Variants in RABGAP1L observed in about 807,000 individuals in gnomAD.
The protein encoded by RABGAP1L is rab GTPase-activating protein 1-like.
A neutral mutation model predicts 137.7 loss-of-function variants in RABGAP1L; 63 were observed. The ratio of observed to expected loss-of-function variants is 0.46; its 90% CI spans 0.37 to 0.56. The LOEUF (loss-of-function observed/expected upper bound fraction) is 0.56. RABGAP1L is among the 20% of genes least tolerant of loss of function. RABGAP1L has a pLI of 0.00. For missense variants in RABGAP1L, 1,095 were observed against 1,244.0 expected (o/e 0.88, Z 1.80); for synonymous variants, 431 against 433.7 (o/e 0.99, Z 0.08).
At chr1:174,988,981 ATTT>A in intron 25 of RABGAP1L, 143 bp downstream of exon 25, 1 of 535,078 alleles carries the variant, frequency 1.9e-6, no homozygotes, top group Non-Finnish European at 2.9e-6. Flanking sequence ...GCATAATCAC[ATTT>A]TATATCATGT....
intron 13 of RABGAP1L, among the ~76,000 whole-genome samples, chr1:174,565,086 T>C (rs1282403821): frequency 6.6e-6 from 1 of 152,168 alleles, no homozygotes; most frequent in Non-Finnish European, 1.5e-5. Context: ...GCTTTGAAGA[T>C]AGAGGTCACA....
At chr1:174,541,373 T>A (rs1364893913) in intron 13 of RABGAP1L, among the ~76,000 whole-genome samples, 1 of 152,216 alleles carries the variant, frequency 6.6e-6, no homozygotes, top group Non-Finnish European at 1.5e-5. Context: ...TGTGCCAGTT[T>A]TCAAAGGGAG....
chr1:174,601,020 G>C (rs978888519), intron 13 of RABGAP1L, among the ~76,000 whole-genome samples: 1 of 152,220 alleles, frequency 6.6e-6, no homozygotes, highest in African/African-American at 2.4e-5. Context: ...TGAAATCTAG[G>C]TGGAGGTTCC....
At chr1:174,261,339 C>G (rs1299275534) in intron 7 of RABGAP1L, among the ~76,000 whole-genome samples, 1 of 152,118 alleles carries the variant, frequency 6.6e-6, no homozygotes, top group African/African-American at 2.4e-5. Flanking sequence ...TGACAGTGAT[C>G]ATATCAGATC....
At chr1:174,162,777 G>GTTTTTTTTTTT (rs67811794) in intron 1 of RABGAP1L, among the ~76,000 whole-genome samples, 62 of 51,540 alleles carry the variant, frequency 1.2e-3, no homozygotes, top group Non-Finnish European at 1.5e-3. Flanking sequence ...TTCTCTTTCT[G>GTTTTTTTTTTT]TTTTTTTTTT....
At chr1:174,864,525 G>T (rs985600000) in intron 19 of RABGAP1L, among the ~76,000 whole-genome samples, 1 of 152,176 alleles carries the variant, frequency 6.6e-6, no homozygotes, top group Admixed American at 6.5e-5. Context: ...GGAAGGAGAA[G>T]AATGCGAGCA....
Position 174,693,564 on chromosome 1 carries a change from G to C in RABGAP1L, c.1900-5961G>C, listed in dbSNP as rs147455893. Among the ~76,000 whole-genome samples the C allele has an allele frequency of 5.6e-3, 857 of 152,012 alleles. 2 individuals are homozygous for C. Among genetic ancestry groups the C allele is most frequent in the Middle Eastern group, 0.017 (5 of 294 alleles). On this transcript the variant is annotated intron_variant, in intron 15 of 25. Coordinates refer to ENST00000681986, the MANE Select transcript of RABGAP1L (RefSeq NM_001366446.1). Reference sequence around the variant, plus strand: ...TATGATGGTATGCTGCAGCTCTACTGTTATGCATCACTTTTCTTTTTTTTT... The same window carrying C: ...TATGATGGTATGCTGCAGCTCTACTCTTATGCATCACTTTTCTTTTTTTTT...
At chr1:174,675,586 C>G (rs1169396021) in intron 14 of RABGAP1L, among the ~76,000 whole-genome samples, 1 of 151,694 alleles carries the variant, frequency 6.6e-6, no homozygotes, top group Non-Finnish European at 1.5e-5. Context: ...TTTTTTGGTT[C>G]CATATGAACT....
intron 1 of RABGAP1L, among the ~76,000 whole-genome samples, chr1:174,171,380 A>G (rs760971702): frequency 6.6e-6 from 1 of 152,210 alleles, no homozygotes; most frequent in Non-Finnish European, 1.5e-5. Flanking sequence ...CAGATACAAA[A>G]TCATGAAATG....
intron 13 of RABGAP1L, among the ~76,000 whole-genome samples, chr1:174,438,733 AGT>A (rs1167772942): frequency 3.5e-5 from 3 of 86,924 alleles, no homozygotes; most frequent in African/African-American, 2.0e-4. Flanking sequence ...ACCCAAAAAA[AGT>A]GTGTGTGTGT....
chr1:174,383,077 G>T lies in RABGAP1L; in HGVS notation c.1560-10918G>T, dbSNP rs1318644076. 3.3e-5 allele frequency among the ~76,000 whole-genome samples: 5 copies of T among 150,248 alleles called. No homozygotes were observed. The South Asian group carries it at 1.1e-3, about 32-fold the overall frequency. On this transcript the variant is annotated intron_variant, in intron 12 of 25. Coordinates refer to ENST00000681986, the MANE Select transcript of RABGAP1L (RefSeq NM_001366446.1). ...TGAGGTGTCAGTGTGCCCCTGCTGG[G>T]GGGTGCCTCCCAGTTAGGCTGCTCG...
At chr1:174,164,972 G>A (rs898212321) in intron 1 of RABGAP1L, among the ~76,000 whole-genome samples, 10 of 152,158 alleles carry the variant, frequency 6.6e-5, no homozygotes, top group African/African-American at 2.4e-4. Flanking sequence ...ACCTCACTTA[G>A]TGTGTATAAG....
At position 174,289,340 on chromosome 1, in the gene RABGAP1L, C is replaced by T. The variant is rs112220738; in HGVS notation, c.1323+10561C>T. Among the ~76,000 whole-genome samples, 186 of 152,274 alleles carry T rather than the reference C, an allele frequency of 1.2e-3. 1 individual carries two copies. Among genetic ancestry groups the T allele is most frequent in the African/African-American group, 4.4e-3 (181 of 41,550 alleles). On this transcript the variant is annotated intron_variant, in intron 10 of 25. Coordinates refer to ENST00000681986, the MANE Select transcript of RABGAP1L (RefSeq NM_001366446.1). Reference sequence around the variant, plus strand: ...TATAGGCATAAGCCACTGTGCCTAGCTGGATTTTAAAAATGGTTTTTATTA... The same window carrying T: ...TATAGGCATAAGCCACTGTGCCTAGTTGGATTTTAAAAATGGTTTTTATTA...
intron 11 of RABGAP1L, among the ~76,000 whole-genome samples, chr1:174,347,931 T>C (rs1422294450): frequency 6.6e-6 from 1 of 152,194 alleles, no homozygotes; most frequent in Non-Finnish European, 1.5e-5. Flanking sequence ...AGGCAACAGA[T>C]CATTGGGTCT....
intron 5 of RABGAP1L, among the ~76,000 whole-genome samples, chr1:174,247,008 G>C (rs1202074679): frequency 6.6e-6 from 1 of 152,224 alleles, no homozygotes; most frequent in Non-Finnish European, 1.5e-5. Flanking sequence ...TTCTCCAAAA[G>C]AGAGATAGAT....
intron 14 of RABGAP1L, among the ~76,000 whole-genome samples, chr1:174,658,027 G>T (rs1676092893): frequency 6.6e-6 from 1 of 152,150 alleles, no homozygotes; most frequent in Admixed American, 6.5e-5. Flanking sequence ...CACTGTCTCT[G>T]ATGTCTGCCA....
rs1184844853 is a variant in RABGAP1L at position 174,990,883 on chromosome 1, T to C, written c.*882T>C. The C allele has an allele frequency of 6.6e-6, 1 of 152,188 alleles. No individual in the cohort carries two copies. The highest frequency in any genetic ancestry group is 2.4e-5 in the African/African-American group (1 of 41,448). The allele number at this position is 152,188 out of a possible 1,614,324, so 9.4% of individuals were successfully genotyped here. On this transcript the variant is annotated 3_prime_UTR_variant, in exon 26 of 26. Coordinates refer to ENST00000681986, the MANE Select transcript of RABGAP1L (RefSeq NM_001366446.1). ...CCATTGTGCTGAATAGAGTGGAATA[T>C]AGAACCAGGGACAGAGTATTTCATT...
At chr1:174,180,853 G>T in intron 1 of RABGAP1L, among the ~76,000 whole-genome samples, 1 of 152,036 alleles carries the variant, frequency 6.6e-6, no homozygotes, top group East Asian at 1.9e-4. Context: ...TTGCTTATTT[G>T]TGTTCATATA....
At chr1:174,176,713 G>GA (rs71563251) in intron 1 of RABGAP1L, among the ~76,000 whole-genome samples, 2,629 of 21,520 alleles carry the variant, frequency 0.12, 517 homozygotes, top group Admixed American at 0.19. Context: ...CCCTTTTTCA[G>GA]AAAAAAAAAA....
Sources: gnomAD v4.1 joint callset for allele counts (sites outside exome capture counted in the v4.1 genomes callset) on GRCh38, gnomAD v4.1.1 for gene constraint, MANE v1.5 for transcripts, NCBI Gene and HGNC (gene_info 2026-07-23, HGNC 2026-07-21) for gene names.